The following NKAIN2 variants were observed in gnomAD, a reference collection of about 807,000 sequenced individuals.
The protein encoded by NKAIN2 is sodium/potassium transporting ATPase interacting 2, also known as sodium/potassium-transporting ATPase subunit beta-1-interacting protein 2.
NKAIN2 carries 14 observed loss-of-function variants against 32.6 expected under a neutral mutation model. The ratio of observed to expected loss-of-function variants is 0.43; its 90% CI spans 0.28 to 0.67. The LOEUF is 0.67. Among genes scored for constraint, NKAIN2 ranks in the 30% least tolerant of loss-of-function variants. The probability of loss-of-function intolerance (pLI) is 0.17; values close to 1 mark genes in which losing one functional copy is unlikely to be tolerated. For missense variants in NKAIN2, 198 were observed against 258.3 expected, an observed-to-expected ratio of 0.77 and a Z score of 1.60; for synonymous variants, 80 against 87.2, an observed-to-expected ratio of 0.92 and a Z score of 0.46.
At chr6:123,941,277 T>A (rs984735495) in intron 1 of NKAIN2, among the ~76,000 whole-genome samples, 4 of 150,180 alleles carry the variant, frequency 2.7e-5, no homozygotes, top group Non-Finnish European at 4.4e-5. Context: ...TACTTAATAT[T>A]TTTTTTTTAT....
At chr6:124,541,379 A>G (rs554091153) in intron 3 of NKAIN2, among the ~76,000 whole-genome samples, 1 of 152,304 alleles carries the variant, frequency 6.6e-6, no homozygotes, top group South Asian at 2.1e-4. Context: ...TTCATACAAC[A>G]AAAAGGATAA....
At chr6:124,125,613 A>G (rs1243744079) in intron 1 of NKAIN2, among the ~76,000 whole-genome samples, 1 of 152,190 alleles carries the variant, frequency 6.6e-6, no homozygotes, top group African/African-American at 2.4e-5. Flanking sequence ...TAAATGTTGT[A>G]ATAAAGATAT....
chr6:124,026,153 T>G (rs1054735929), intron 1 of NKAIN2, among the ~76,000 whole-genome samples: 1 of 152,130 alleles, frequency 6.6e-6, no homozygotes, highest in African/African-American at 2.4e-5. Context: ...AAATGTACAG[T>G]TTGGGGGTTT....
chr6:124,740,358 A>G (rs1479816953), intron 4 of NKAIN2, among the ~76,000 whole-genome samples: 1 of 151,766 alleles, frequency 6.6e-6, no homozygotes, highest in Non-Finnish European at 1.5e-5. Context: ...CAATGGACCC[A>G]TCAGAGAAGA....
intron 4 of NKAIN2, among the ~76,000 whole-genome samples, chr6:124,727,104 G>C (rs1024162760): frequency 6.6e-6 from 1 of 152,132 alleles, no homozygotes; most frequent in Non-Finnish European, 1.5e-5. Flanking sequence ...AAGTGAAGTG[G>C]AGAATGGAAC....
chr6:124,783,093 GT>G (rs989568820), intron 4 of NKAIN2, among the ~76,000 whole-genome samples: 4 of 152,092 alleles, frequency 2.6e-5, no homozygotes, highest in African/African-American at 9.7e-5. Flanking sequence ...TGTCAATACA[GT>G]TTTAAAAACG....
chr6:124,046,021 C>G (rs17086520), intron 1 of NKAIN2, among the ~76,000 whole-genome samples: 2,070 of 151,988 alleles, frequency 0.014, 44 homozygotes, highest in African/African-American at 0.047. Flanking sequence ...AGCAGGCATT[C>G]TAATAATAAC....
intron 2 of NKAIN2, among the ~76,000 whole-genome samples, chr6:124,330,328 A>G (rs1583058797): frequency 6.6e-6 from 1 of 152,204 alleles, no homozygotes. Flanking sequence ...GCATACAAGC[A>G]ATTTATTAGA....
intron 3 of NKAIN2, among the ~76,000 whole-genome samples, chr6:124,481,724 A>C (rs1290692894): frequency 6.6e-6 from 1 of 152,120 alleles, no homozygotes; most frequent in African/African-American, 2.4e-5. Context: ...ATTTATTTTC[A>C]CTTTAAGAAA....
intron 1 of NKAIN2, among the ~76,000 whole-genome samples, chr6:123,927,769 C>A (rs913459372): frequency 6.6e-6 from 1 of 152,146 alleles, no homozygotes. Context: ...GTCTTCAATG[C>A]TACATTCCCT....
intron 1 of NKAIN2, among the ~76,000 whole-genome samples, chr6:124,130,566 T>G (rs1170874303): frequency 6.6e-6 from 1 of 152,166 alleles, no homozygotes; most frequent in African/African-American, 2.4e-5. Context: ...TTTTAATGCA[T>G]TACTATATCA....
chr6:124,225,263 A>G (rs1405847585), intron 1 of NKAIN2, among the ~76,000 whole-genome samples: 3 of 152,122 alleles, frequency 2.0e-5, no homozygotes, highest in African/African-American at 2.4e-5. Context: ...CAAGGATAGT[A>G]TAAAATTGTA....
intron 3 of NKAIN2, among the ~76,000 whole-genome samples, chr6:124,362,360 A>G (rs532479712): frequency 6.6e-6 from 1 of 152,246 alleles, no homozygotes; most frequent in South Asian, 2.1e-4. Context: ...CTAGAAATGA[A>G]CCAACCAGTT....
intron 3 of NKAIN2, among the ~76,000 whole-genome samples, chr6:124,518,017 C>G (rs2114789361): frequency 6.6e-6 from 1 of 151,982 alleles, no homozygotes; most frequent in African/African-American, 2.4e-5. Flanking sequence ...AATTTATCAA[C>G]ATTTATTTTA....
rs180715446 is a variant in NKAIN2 at position 124,425,167 on chromosome 6, A to G, written c.273+69820A>G. Among the ~76,000 whole-genome samples the G allele has an allele frequency of 4.6e-5, 7 of 152,298 alleles. No individual in the cohort carries two copies. In the East Asian group the frequency reaches 1.2e-3, roughly 25 times the overall value. On this transcript the variant is annotated intron_variant, in intron 3 of 6. Transcript: ENST00000368417. The stretch of plus-strand genomic sequence containing the variant: ...AAGACAGTTTTAAGAAGAGAGATAA[A>G]GTCATAAGTGTTTATTACCACAGAC...
At chr6:124,333,659 CTAAATAAATAAA>C (rs36098572) in intron 2 of NKAIN2, among the ~76,000 whole-genome samples, 4 of 146,522 alleles carry the variant, frequency 2.7e-5, no homozygotes, top group South Asian at 2.2e-4. Flanking sequence ...GACTCAGTCT[CTAAATAAATAAA>C]TAAATAAATA....
At chr6:124,315,075 A>T (rs1796889259) in intron 2 of NKAIN2, among the ~76,000 whole-genome samples, 1 of 152,152 alleles carries the variant, frequency 6.6e-6, no homozygotes, top group African/African-American at 2.4e-5. Flanking sequence ...AGTAATGTGC[A>T]TTACACATTC....
intron 2 of NKAIN2, among the ~76,000 whole-genome samples, chr6:124,289,574 T>C (rs1167564682): frequency 6.6e-6 from 1 of 152,148 alleles, no homozygotes; most frequent in Non-Finnish European, 1.5e-5. Flanking sequence ...AATCGCATAC[T>C]CAATTTGCAT....
chr6:123,952,147 A>T (rs965273644), intron 1 of NKAIN2, among the ~76,000 whole-genome samples: 6 of 152,036 alleles, frequency 3.9e-5, no homozygotes, highest in African/African-American at 1.4e-4. Context: ...TCCCTCATTT[A>T]TGATGTATAC....
Sources: gnomAD v4.1 joint callset for allele counts (sites outside exome capture counted in the v4.1 genomes callset) on GRCh38, gnomAD v4.1.1 for gene constraint, MANE v1.5 for transcripts, NCBI Gene and HGNC (gene_info 2026-07-23, HGNC 2026-07-21) for gene names.